GMDS: variants seen among roughly 807,000 people sequenced by gnomAD.
The protein encoded by GMDS is GDP-mannose 4,6 dehydratase.
GMDS carries 20 observed loss-of-function variants against 49.9 expected under a neutral mutation model. That is an observed-to-expected ratio of 0.40 (90% CI 0.28 to 0.58). GMDS has a LOEUF of 0.58. Ranked by LOEUF, GMDS falls within the 20% of genes least tolerant of loss-of-function variation. The pLI, the probability that GMDS is intolerant of heterozygous loss-of-function variation, is 0.42. For synonymous variants in GMDS, 177 were observed against 178.6 expected (o/e 0.99, Z 0.07); for missense variants, 362 against 481.4 (o/e 0.75, Z 2.32).
At chr6:1,780,459 C>G (rs901565537) in intron 7 of GMDS, among the ~76,000 whole-genome samples, 1 of 152,224 alleles carries the variant, frequency 6.6e-6, no homozygotes, top group Non-Finnish European at 1.5e-5. Context: ...TTCCTGAGAG[C>G]GCTTCCTCTG....
At chr6:2,072,534 G>T (rs1211048164) in intron 4 of GMDS, among the ~76,000 whole-genome samples, 1 of 152,160 alleles carries the variant, frequency 6.6e-6, no homozygotes, top group African/African-American at 2.4e-5. Flanking sequence ...GTGGATTCTG[G>T]GAGTTACAGT....
intron 4 of GMDS, among the ~76,000 whole-genome samples, chr6:1,969,870 G>A (rs1387464755): frequency 6.6e-6 from 1 of 152,164 alleles, no homozygotes; most frequent in Non-Finnish European, 1.5e-5. Context: ...AGCTCCATGA[G>A]GTTAAGGGCT....
chr6:1,931,929 G>T (rs1327012926), intron 6 of GMDS, among the ~76,000 whole-genome samples: 2 of 152,216 alleles, frequency 1.3e-5, no homozygotes, highest in African/African-American at 4.8e-5. Context: ...TGGGAGAGAA[G>T]CAGCAGCCCC....
chr6:2,062,145 T>G (rs1216821480), intron 4 of GMDS, among the ~76,000 whole-genome samples: 2 of 152,036 alleles, frequency 1.3e-5, no homozygotes, highest in Admixed American at 1.3e-4. Flanking sequence ...CTGCAGCAGG[T>G]CCTGAGGCAA....
chr6:2,064,152 A>G (rs1414129034), intron 4 of GMDS, among the ~76,000 whole-genome samples: 1 of 151,724 alleles, frequency 6.6e-6, no homozygotes, highest in Non-Finnish European at 1.5e-5. Flanking sequence ...AGTAGATCTC[A>G]TATTTTCATC....
intron 1 of GMDS, among the ~76,000 whole-genome samples, chr6:2,205,441 ACAGCCTCCT>A (rs1779764359): frequency 6.6e-6 from 1 of 152,176 alleles, no homozygotes; most frequent in South Asian, 2.1e-4. Flanking sequence ...GACTATTCTA[ACAGCCTCCT>A]AACTGGTCTC....
At chr6:1,873,035 C>T (rs986716978) in intron 7 of GMDS, among the ~76,000 whole-genome samples, 5 of 152,170 alleles carry the variant, frequency 3.3e-5, no homozygotes, top group Non-Finnish European at 4.4e-5. Flanking sequence ...CGTCAGTCTG[C>T]GTGAACTGTT....
intron 7 of GMDS, among the ~76,000 whole-genome samples, chr6:1,915,654 T>C (rs1246811774): frequency 6.6e-6 from 1 of 152,184 alleles, no homozygotes; most frequent in Non-Finnish European, 1.5e-5. Context: ...AGCATCACAG[T>C]GCAGGGTACA....
chr6:1,798,618 C>T (rs545865384), intron 7 of GMDS, among the ~76,000 whole-genome samples: 6 of 152,250 alleles, frequency 3.9e-5, no homozygotes, highest in Non-Finnish European at 5.9e-5. Flanking sequence ...GCCAGCCACC[C>T]GCTGAATCTC....
chr6:1,870,219 C>G (rs1380592947), intron 7 of GMDS, among the ~76,000 whole-genome samples: 1 of 152,182 alleles, frequency 6.6e-6, no homozygotes, highest in African/African-American at 2.4e-5. Flanking sequence ...GGATGACACC[C>G]CATGATCAAT....
At position 1,991,758 on chromosome 6, in the gene GMDS, C is replaced by T. The variant is rs183138712; in HGVS notation, c.346-30792G>A. ...GACATGTGTAAGTCCTAATCCCTGG[C>T]AACTCAGAATGTGATCTCATTTGTA... On this transcript the variant is annotated intron_variant, in intron 4 of 10. Coordinates refer to ENST00000380815, the MANE Select transcript of GMDS (RefSeq NM_001500.4). Among the ~76,000 whole-genome samples, 502 of 152,320 alleles carry T rather than the reference C, an allele frequency of 3.3e-3. 3 individuals carry two copies. The highest frequency in any genetic ancestry group is 3.5e-3 in the Non-Finnish European group (235 of 68,028).
intron 7 of GMDS, among the ~76,000 whole-genome samples, chr6:1,842,500 A>C (rs533410471): frequency 3.3e-5 from 5 of 152,128 alleles, no homozygotes; most frequent in African/African-American, 1.2e-4. Flanking sequence ...GAAGAATGTG[A>C]CTCCAACTGC....
At chr6:1,676,394 G>A (rs534450134) in intron 9 of GMDS, among the ~76,000 whole-genome samples, 28 of 152,252 alleles carry the variant, frequency 1.8e-4, no homozygotes, top group African/African-American at 6.5e-4. Flanking sequence ...TCCCCATCAA[G>A]CTACCAATGA....
At chr6:1,852,802 G>A (rs1757746694) in intron 7 of GMDS, among the ~76,000 whole-genome samples, 1 of 151,694 alleles carries the variant, frequency 6.6e-6, no homozygotes, top group Non-Finnish European at 1.5e-5. Context: ...TGCCTTCCGG[G>A]TTCAAGCGAT....
intron 7 of GMDS, among the ~76,000 whole-genome samples, chr6:1,751,619 G>A (rs181735348): frequency 5.3e-4 from 81 of 152,236 alleles, no homozygotes; most frequent in Non-Finnish European, 9.7e-4. Context: ...TCAGCCTCCC[G>A]AGTAGTTGGG....
intron 9 of GMDS, among the ~76,000 whole-genome samples, chr6:1,651,068 TG>T (rs1327386927): frequency 6.6e-5 from 10 of 152,188 alleles, no homozygotes; most frequent in Non-Finnish European, 1.3e-4. Flanking sequence ...GGGCCCTGCA[TG>T]GGAGGAAAAT....
chr6:1,994,289 A>G (rs1246887507), intron 4 of GMDS, among the ~76,000 whole-genome samples: 1 of 152,156 alleles, frequency 6.6e-6, no homozygotes, highest in Admixed American at 6.5e-5. Flanking sequence ...AAACAAATAT[A>G]CAATCATGAT....
intron 6 of GMDS, among the ~76,000 whole-genome samples, chr6:1,944,935 A>G (rs1763005349): frequency 6.6e-6 from 1 of 152,174 alleles, no homozygotes; most frequent in Admixed American, 6.5e-5. Flanking sequence ...TATAGGCAAT[A>G]CCCTGAAAAC....
chr6:2,214,745 C>T lies in GMDS; in HGVS notation c.102+30576G>A, dbSNP rs145396717. 3.3e-3 allele frequency among the ~76,000 whole-genome samples: 503 copies of T among 152,240 alleles called. 3 individuals carry two copies. Among genetic ancestry groups the T allele is most frequent in the African/African-American group, 0.012 (484 of 41,548 alleles). On this transcript the variant is annotated intron_variant, in intron 1 of 10. Coordinates refer to ENST00000380815, the MANE Select transcript of GMDS (RefSeq NM_001500.4). ...GGTTGGGCTAGTCTTGAATTCATAG[C>T]CTCAAGTGATCCTCCCTCCTCAGCC...
Sources: gnomAD v4.1 joint callset for allele counts (sites outside exome capture counted in the v4.1 genomes callset) on GRCh38, gnomAD v4.1.1 for gene constraint, MANE v1.5 for transcripts, NCBI Gene and HGNC (gene_info 2026-07-23, HGNC 2026-07-21) for gene names.